Variants in TTC34 observed in about 807,000 individuals in gnomAD.
The protein encoded by TTC34 is tetratricopeptide repeat protein 34.
TTC34 carries 44 observed loss-of-function variants against 40.7 expected under a neutral mutation model. That is an observed-to-expected ratio of 1.08 (90% CI 0.85 to 1.39). TTC34 has a LOEUF of 1.39. Among genes scored for constraint, TTC34 ranks in the 40% most tolerant of loss-of-function variants. The pLI, the probability that TTC34 is intolerant of heterozygous loss-of-function variation, is 0.00. For synonymous variants in TTC34, 422 were observed against 398.6 expected, an observed-to-expected ratio of 1.06 and a Z score of -0.70; for missense variants, 884 against 838.0, an observed-to-expected ratio of 1.05 and a Z score of -0.68.
chr1:2,675,635 ACCC>A (rs796291299), intron 6 of TTC34, among the ~76,000 whole-genome samples: 1 of 44,600 alleles, frequency 2.2e-5, no homozygotes, highest in South Asian at 5.8e-4. Context: ...CTGGAGCAGC[ACCC>A]CACACCCCCA....
rs1319082603 is a variant in TTC34 at position 2,673,254 on chromosome 1, C to T, written c.2227-27691G>A. Reference sequence around the variant, plus strand: ...GCCACACCCCCAGGCGAGCATCTGACAGCCTGGAGCAGCATCCACACCCCC... The same window carrying T: ...GCCACACCCCCAGGCGAGCATCTGATAGCCTGGAGCAGCATCCACACCCCC... On this transcript the variant is annotated intron_variant, in intron 6 of 8. Transcript: ENST00000401095. 5.4e-5 allele frequency among the ~76,000 whole-genome samples: 4 copies of T among 74,266 alleles called. No individual in the cohort carries two copies. In the South Asian group the frequency reaches 1.1e-3, roughly 21 times the overall value. The allele number at this position is 74,266 out of a possible 152,430, so 48.7% of individuals were successfully genotyped here.
At chr1:2,643,102 G>A (rs1357907941) in intron 8 of TTC34, among the ~76,000 whole-genome samples, 4 of 152,198 alleles carry the variant, frequency 2.6e-5, no homozygotes, top group Admixed American at 2.6e-4. Flanking sequence ...GAGGCCCCGA[G>A]CAGCTGTCGG....
chr1:2,693,726 C>A (rs1275860121), intron 6 of TTC34, among the ~76,000 whole-genome samples: 1 of 56,562 alleles, frequency 1.8e-5, no homozygotes, highest in African/African-American at 5.9e-5. Flanking sequence ...AGCATCTGAA[C>A]GCAAGGAGCA....
At position 2,753,959 on chromosome 1, in the gene TTC34, C is replaced by A. The variant is rs1641415134; in HGVS notation, c.2226+29650G>T. On this transcript the variant is annotated intron_variant, in intron 6 of 8. Coordinates refer to ENST00000401095, the Ensembl canonical transcript of TTC34. The stretch of plus-strand genomic sequence containing the variant: ...ACAGACCAAGGTGAGCATCTGACAA[C>A]CTGGAGCAGCACCCACACTCCCAGG... 4.2e-5 allele frequency among the ~76,000 whole-genome samples: 3 copies of A among 70,760 alleles called. No homozygotes were observed. The East Asian group carries it at 1.5e-3, about 35-fold the overall frequency. The allele number at this position is 70,760 out of a possible 152,430, so 46.4% of individuals were successfully genotyped here. A position where few individuals can be genotyped will look rare whatever the true frequency, so the allele number is the denominator to read the frequency against.
chr1:2,751,079 T>A (rs1421778796), intron 6 of TTC34, among the ~76,000 whole-genome samples: 188 of 14,458 alleles, frequency 0.013, 1 homozygote, highest in East Asian at 0.045. Flanking sequence ...CTGGAACACC[T>A]CCCACATGCC....
rs561615983 is a variant in TTC34 at position 2,695,073 on chromosome 1, C to A, written c.2227-49510G>T. ...CTGACACACTGAAACAGCACACACACCCCCAGGCGAGCATCTGACAACCTG... is the reference window on the plus strand; with the variant it reads ...CTGACACACTGAAACAGCACACACAACCCCAGGCGAGCATCTGACAACCTG... On this transcript the variant is annotated intron_variant, in intron 6 of 8. Transcript: ENST00000401095. Among the ~76,000 whole-genome samples, 19 of 142,968 alleles carry A rather than the reference C, an allele frequency of 1.3e-4. 1 individual carries two copies. The South Asian group carries it at 1.4e-3, about 10-fold the overall frequency. The allele number at this position is 142,968 out of a possible 152,430, so 93.8% of individuals were successfully genotyped here.
chr1:2,753,256 C>A (rs1641386191), intron 6 of TTC34, among the ~76,000 whole-genome samples: 9 of 129,528 alleles, frequency 6.9e-5, no homozygotes, highest in Non-Finnish European at 1.1e-4. Context: ...GCACCCACAC[C>A]CCAGGTGAGC....
exon 9 of TTC34, chr1:2,637,489 C>T (rs971862789): frequency 2.6e-5 from 4 of 152,262 alleles, no homozygotes; most frequent in Non-Finnish European, 5.9e-5. Context: ...GCAGGCCGAT[C>T]TCCTGGCCAG....
chr1:2,789,611 A>C, exon 3 of TTC34: 3 of 1,384,562 alleles, frequency 2.2e-6, no homozygotes, highest in Middle Eastern at 2.1e-4. Flanking sequence ...CTCCTCCCGC[A>C]GCACCACCAG....
At chr1:2,748,821 G>C (rs1236628594) in intron 6 of TTC34, among the ~76,000 whole-genome samples, 28 of 133,822 alleles carry the variant, frequency 2.1e-4, no homozygotes, top group South Asian at 2.5e-4. Context: ...GCATCTGACA[G>C]CCTCGGTCGG....
intron 6 of TTC34, among the ~76,000 whole-genome samples, chr1:2,688,047 C>T (rs543023650): frequency 2.1e-4 from 30 of 139,602 alleles, no homozygotes; most frequent in African/African-American, 6.8e-4. Flanking sequence ...GCACCCACAC[C>T]CCCAGGTAAG....
At chr1:2,694,248 AGCCTGG>A (rs1640760184) in intron 6 of TTC34, among the ~76,000 whole-genome samples, 3 of 62,566 alleles carry the variant, frequency 4.8e-5, no homozygotes, top group Non-Finnish European at 9.7e-5. Context: ...AGCATCTGAC[AGCCTGG>A]AGCAGCACCC....
At chr1:2,641,620 GGCC>G in exon 9 of TTC34, 1 of 1,534,568 alleles carries the variant, frequency 6.5e-7, no homozygotes, top group Non-Finnish European at 8.7e-7. Flanking sequence ...AGGCCCCTGC[GGCC>G]GCCGCCTCAT....
rs564535545 is a variant in TTC34, at chr1:2,775,873, C to T, written c.2226+7736G>A. The stretch of plus-strand genomic sequence containing the variant: ...TCACCTGAGGTTGGGAGTGCCAGTC[C>T]AGGCTGCCAGATCCTCACCTGGGGA... On this transcript the variant is annotated intron_variant, in intron 6 of 8. Coordinates refer to ENST00000401095, the Ensembl canonical transcript of TTC34. Among the ~76,000 whole-genome samples the T allele has an allele frequency of 6.0e-4, 85 of 142,002 alleles. 7 individuals are homozygous for T. Among genetic ancestry groups the T allele is most frequent in the African/African-American group, 1.8e-3 (60 of 33,784 alleles). The allele number at this position is 142,002 out of a possible 152,430, so 93.2% of individuals were successfully genotyped here. A position where few individuals can be genotyped will look rare whatever the true frequency, so the allele number is the denominator to read the frequency against.
intron 7 of TTC34, 37 bp from the exon 8 acceptor site, chr1:2,644,515 G>A: frequency 6.6e-7 from 1 of 1,516,486 alleles, no homozygotes; most frequent in Non-Finnish European, 8.8e-7. Context: ...AGTGTGTGGG[G>A]TTGGGCAGAG....
At chr1:2,650,326 T>C (rs1258586011) in intron 6 of TTC34, among the ~76,000 whole-genome samples, 2 of 124,220 alleles carry the variant, frequency 1.6e-5, no homozygotes, top group Non-Finnish European at 1.7e-5. Context: ...CAGCCTGGAA[T>C]GGCACTCTAC....
At chr1:2,685,198 C>T (rs1300319463) in intron 6 of TTC34, among the ~76,000 whole-genome samples, 2 of 125,480 alleles carry the variant, frequency 1.6e-5, no homozygotes, top group African/African-American at 3.2e-5. Context: ...AGCACCCACA[C>T]CCCCAGGTGA....
At chr1:2,699,008 C>CA (rs1641001578) in intron 6 of TTC34, among the ~76,000 whole-genome samples, 9 of 128,456 alleles carry the variant, frequency 7.0e-5, no homozygotes, top group Non-Finnish European at 1.4e-4. Flanking sequence ...AAGGCACCCA[C>CA]ACCACCAGGT....
intron 6 of TTC34, among the ~76,000 whole-genome samples, chr1:2,654,248 ACC>A (rs1639258865): frequency 8.7e-5 from 12 of 138,630 alleles, no homozygotes; most frequent in Non-Finnish European, 1.5e-4. Context: ...CAGCACCCAC[ACC>A]ACCAGGTGAG....
Sources: allele counts gnomAD v4.1 joint callset (sites outside exome capture counted in the v4.1 genomes callset), GRCh38; gene constraint gnomAD v4.1.1; transcripts MANE v1.5; gene names NCBI Gene and HGNC (gene_info 2026-07-23, HGNC 2026-07-21).